The following RPS6KA3 variants were observed in gnomAD, a reference collection of about 807,000 sequenced individuals.
RPS6KA3 encodes the protein ribosomal protein S6 kinase alpha-3.
A neutral mutation model predicts 67.2 loss-of-function variants in RPS6KA3; 4 were observed. That is an observed-to-expected ratio of 0.06 (90% CI 0.03 to 0.14). RPS6KA3 has a LOEUF of 0.14. Ranked by LOEUF, RPS6KA3 falls within the 10% of genes least tolerant of loss-of-function variation. The probability of loss-of-function intolerance (pLI) is 1.00; values close to 1 mark genes in which losing one functional copy is unlikely to be tolerated. For synonymous variants in RPS6KA3, 182 were observed against 183.7 expected, an observed-to-expected ratio of 0.99 and a Z score of 0.07; for missense variants, 204 against 559.0, an observed-to-expected ratio of 0.36 and a Z score of 6.40.
intron 2 of RPS6KA3, among the ~76,000 whole-genome samples, chrX:20,229,969 G>A (rs1201157073): frequency 8.9e-6 from 1 of 112,108 alleles, no homozygotes; most frequent in Non-Finnish European, 1.9e-5. Flanking sequence ...AATGCTTTTA[G>A]ACTACAGAGA....
chrX:20,223,241 A>G (rs1423140183), intron 2 of RPS6KA3, among the ~76,000 whole-genome samples: 1 of 111,543 alleles, frequency 9.0e-6, no homozygotes, highest in East Asian at 2.8e-4. Context: ...TTCCTTTTCT[A>G]TGCTAACTCA....
At chrX:20,187,413 A>G (rs996867895) in intron 9 of RPS6KA3, among the ~76,000 whole-genome samples, 1 of 109,953 alleles carries the variant, frequency 9.1e-6, no homozygotes, top group Non-Finnish European at 1.9e-5. Flanking sequence ...CATGTTGGCC[A>G]TGCCGGTCTT....
chrX:20,225,237 T>G (rs982177579), intron 2 of RPS6KA3, among the ~76,000 whole-genome samples: 1 of 92,457 alleles, frequency 1.1e-5, no homozygotes, highest in African/African-American at 4.3e-5. Flanking sequence ...GAGGTTTTTT[T>G]TTTTTGTTTT....
chrX:20,184,397 C>CTT (rs1176222205), intron 10 of RPS6KA3, among the ~76,000 whole-genome samples: 11 of 86,447 alleles, frequency 1.3e-4, no homozygotes, highest in Non-Finnish European at 1.6e-4. Context: ...CATTACTTTT[C>CTT]TTTTTTTTTT....
intron 20 of RPS6KA3, among the ~76,000 whole-genome samples, chrX:20,157,148 C>T (rs1291485077): frequency 8.9e-6 from 1 of 111,810 alleles, no homozygotes; most frequent in Non-Finnish European, 1.9e-5. Context: ...TGCATATAAT[C>T]ACTACATGGT....
chrX:20,208,357 C>T (rs1386164453), intron 3 of RPS6KA3, among the ~76,000 whole-genome samples: 1 of 110,704 alleles, frequency 9.0e-6, no homozygotes, highest in Non-Finnish European at 1.9e-5. Flanking sequence ...AGAAGTGCCC[C>T]TGAGGTGTGC....
chrX:20,160,428 T>G (rs2067279025), intron 20 of RPS6KA3, among the ~76,000 whole-genome samples: 1 of 111,630 alleles, frequency 9.0e-6, no homozygotes, highest in Non-Finnish European at 1.9e-5. Context: ...TTTATTTATT[T>G]ATTTTTATTT....
chrX:20,166,978 A>C (rs2067457052), intron 17 of RPS6KA3, among the ~76,000 whole-genome samples: 1 of 110,261 alleles, frequency 9.1e-6, no homozygotes, highest in East Asian at 2.8e-4. Context: ...TTGGCCTCCC[A>C]AAGTGCTGGG....
chrX:20,236,899 A>G (rs1740757854), intron 1 of RPS6KA3, among the ~76,000 whole-genome samples: 1 of 111,752 alleles, frequency 8.9e-6, no homozygotes, highest in Non-Finnish European at 1.9e-5. Flanking sequence ...CAAATGTCCC[A>G]AAGAACTAGC....
At chrX:20,178,481 G>GTTTTTTTTTTT (rs59662504) in intron 10 of RPS6KA3, among the ~76,000 whole-genome samples, 2 of 84,444 alleles carry the variant, frequency 2.4e-5, no homozygotes, top group African/African-American at 9.0e-5. Context: ...AAACAAATCA[G>GTTTTTTTTTTT]TTTTTTTTTT....
chrX:20,170,861 A>C (rs896852880), intron 15 of RPS6KA3, among the ~76,000 whole-genome samples: 4 of 110,526 alleles, frequency 3.6e-5, no homozygotes. Flanking sequence ...TGCAGCCTGA[A>C]CCTCCTGAGC....
At chrX:20,262,414 GAT>G (rs1161699397) in intron 1 of RPS6KA3, among the ~76,000 whole-genome samples, 15 of 111,856 alleles carry the variant, frequency 1.3e-4, no homozygotes, top group Non-Finnish European at 2.6e-4. Flanking sequence ...TTAAAAATAA[GAT>G]ATACTTATTG....
intron 14 of RPS6KA3, 126 bp downstream of exon 14, chrX:20,175,038 G>A (rs946091668): frequency 1.5e-4 from 105 of 692,551 alleles, no homozygotes; most frequent in Non-Finnish European, 6.8e-6. Flanking sequence ...ACGGGTGTGA[G>A]CCACTATGCC....
intron 2 of RPS6KA3, chrX:20,218,875 A>G (rs1048538498): frequency 1.5e-5 from 18 of 1,165,073 alleles, no homozygotes; most frequent in Non-Finnish European, 2.1e-5. Flanking sequence ...AGAATTTCTG[A>G]CGGTAAAACT....
intron 1 of RPS6KA3, among the ~76,000 whole-genome samples, chrX:20,248,870 CTG>C (rs756826912): frequency 9.0e-6 from 1 of 110,962 alleles, no homozygotes; most frequent in Admixed American, 9.5e-5. Flanking sequence ...AGGTATGTAG[CTG>C]TGTTTTCTAG....
chrX:20,194,877 CAT>C (rs2068231827), intron 5 of RPS6KA3, among the ~76,000 whole-genome samples, 186 bp downstream of exon 5: 1 of 111,017 alleles, frequency 9.0e-6, no homozygotes, highest in South Asian at 3.8e-4. Flanking sequence ...TTAAAAAAAA[CAT>C]AAACTAAACA....
At chrX:20,228,622 ATC>A (rs745307845) in intron 2 of RPS6KA3, among the ~76,000 whole-genome samples, 1 of 110,661 alleles carries the variant, frequency 9.0e-6, no homozygotes, top group East Asian at 2.8e-4. Context: ...TATTCAACCA[ATC>A]TCTGTTTTCA....
intron 4 of RPS6KA3, among the ~76,000 whole-genome samples, chrX:20,200,624 CTTTAT>C (rs1056902192): frequency 5.4e-5 from 6 of 111,636 alleles, no homozygotes; most frequent in Non-Finnish European, 7.5e-5. Flanking sequence ...ATTTAAGATA[CTTTAT>C]TTTAATAATA....
chrX:20,151,776 G>A lies in RPS6KA3; in HGVS notation c.*3622C>T, dbSNP rs2067106948. 8.9e-6 allele frequency: 1 copy of A among 112,233 alleles called. No individual in the cohort carries two copies. The allele number at this position is 112,233 out of a possible 1,213,427, so 9.2% of individuals were successfully genotyped here. Reference sequence around the variant, plus strand: ...TCAAAGCCATGCTGAGATGGGTATTGCTGGCCTCCATGGTGATTAAGCGCA... The same window carrying A: ...TCAAAGCCATGCTGAGATGGGTATTACTGGCCTCCATGGTGATTAAGCGCA... On this transcript the variant is annotated 3_prime_UTR_variant, in exon 22 of 22. Coordinates refer to ENST00000379565, the MANE Select transcript of RPS6KA3 (RefSeq NM_004586.3).
Sources: allele counts gnomAD v4.1 joint callset (sites outside exome capture counted in the v4.1 genomes callset), GRCh38; gene constraint gnomAD v4.1.1; transcripts MANE v1.5; gene names NCBI Gene and HGNC (gene_info 2026-07-23, HGNC 2026-07-21).